ARRDC2: variants seen among roughly 807,000 people sequenced by gnomAD.
ARRDC2 encodes arrestin domain-containing protein 2.
A neutral mutation model predicts 38.9 loss-of-function variants in ARRDC2; 39 were observed. The ratio of observed to expected loss-of-function variants is 1.00; its 90% confidence interval spans 0.78 to 1.31. The LOEUF (loss-of-function observed/expected upper bound fraction) is 1.31, where lower values mean the gene tolerates loss of function less well. Ranked by LOEUF, ARRDC2 falls within the 50% of genes most tolerant of loss-of-function variation. ARRDC2 has a pLI of 0.00. For missense variants in ARRDC2, 553 were observed against 588.4 expected (o/e 0.94, Z 0.62); for synonymous variants, 300 against 261.9 (o/e 1.15, Z -1.41).
upstream of ARRDC2, among the ~76,000 whole-genome samples, chr19:18,005,198 GA>G (rs2033248122): frequency 6.6e-6 from 1 of 151,652 alleles, no homozygotes; most frequent in Non-Finnish European, 1.5e-5. Context: ...GACTCTTAAC[GA>G]GCATGCTGCC....
At chr19:18,008,129 C>CA (rs2033318935), upstream of ARRDC2, 1 of 1,074,286 alleles carries the variant, frequency 9.3e-7, no homozygotes, top group African/African-American at 1.8e-5. Context: ...CCACCCCCCC[C>CA]CGCCCTGCCG....
chr19:18,010,849 C>CT, intron 7 of ARRDC2, 120 bp downstream of exon 7: 3 of 1,127,348 alleles, frequency 2.7e-6, no homozygotes, highest in Non-Finnish European at 3.7e-6. Context: ...GGGTCTTGCT[C>CT]TGTCACCCAG....
At chr19:18,009,733 T>C (rs1330518486) in intron 4 of ARRDC2, 39 bp downstream of exon 4, 1 of 1,612,410 alleles carries the variant, frequency 6.2e-7, no homozygotes, top group South Asian at 1.1e-5. Context: ...CGGGGGCTGG[T>C]GTTGGGGTTG....
chr19:18,008,197 C>T lies in ARRDC2; in HGVS notation c.-114C>T. 7 of 1,469,234 alleles carry T rather than the reference C, an allele frequency of 4.8e-6. No homozygotes were observed. The highest frequency in any genetic ancestry group is 3.0e-5 in the African/African-American group (2 of 66,264). The allele number at this position is 1,469,234 out of a possible 1,614,324, so 91.0% of individuals were successfully genotyped here. The stretch of plus-strand genomic sequence containing the variant: ...TTTTCTGCTCCGGTTGGTGAGCGCG[C>T]CTGCGCGTTGACGGCGATTTTGCGT... On this transcript the variant is annotated 5_prime_UTR_variant, in exon 1 of 8. Transcript: ENST00000222250.
chr19:18,010,205 G>GATAT lies in ARRDC2; in HGVS notation c.860_863dup (p.Pro289TyrfsTer50). 1 of 1,613,374 alleles carries GATAT rather than the reference G, an allele frequency of 6.2e-7. No homozygotes were observed. The highest frequency in any genetic ancestry group is 8.5e-7 in the Non-Finnish European group (1 of 1,179,756). On this transcript the variant is annotated frameshift_variant, in exon 6 of 8. Coordinates refer to ENST00000222250, the MANE Select transcript of ARRDC2 (RefSeq NM_015683.2). LOFTEE classifies it high-confidence loss of function. ...TGGTTCCTTCCTCCAGGTCTGTGTG[G>GATAT]ATATCCCAGGAACGTCCAAGCTGCT...
Position 18,009,636 on chromosome 19 carries a change from C to T in ARRDC2, c.534C>T (p.Tyr178=). 6.2e-7 allele frequency: 1 copy of T among 1,611,022 alleles called. No homozygotes were observed. The highest frequency in any genetic ancestry group is 1.7e-5 in the Admixed American group (1 of 59,864). The change falls in exon 4 of 8, where the codon TAC becomes TAT. Residue 178 remains tyrosine (Y), a synonymous_variant. Coordinates refer to ENST00000222250, the MANE Select transcript of ARRDC2 (RefSeq NM_015683.2). ...GGGAAAAGGTTGCCCGATCCTGGTA[C>T]TGTAACCGTGGCCTAGTCTCCCTTT... is the stretch of plus-strand genomic sequence containing the variant. ...GAREKVARSW[Y]CNRGLVSLSA... is the part of the protein sequence containing the mutation.
chr19:18,009,502 C>T lies in ARRDC2; in HGVS notation c.490-90C>T, dbSNP rs369791848. Reference sequence around the variant, plus strand: ...AAGAAACCAAGCCCTGCCCAAAGTCCTCCCTCAGCTGGGGGTGGTTTGGAA... The same window carrying T: ...AAGAAACCAAGCCCTGCCCAAAGTCTTCCCTCAGCTGGGGGTGGTTTGGAA... On this transcript the variant is annotated intron_variant, in intron 3 of 7. Coordinates refer to ENST00000222250, the MANE Select transcript of ARRDC2 (RefSeq NM_015683.2). 172 of 1,205,504 alleles carry T rather than the reference C, an allele frequency of 1.4e-4. 1 individual carries two copies. The Admixed American group carries it at 2.2e-3, about 15-fold the overall frequency. The allele number at this position is 1,205,504 out of a possible 1,614,324, so 74.7% of individuals were successfully genotyped here.
chr19:18,009,603 G>C lies in ARRDC2; in HGVS notation c.501G>C (p.Ala167=), dbSNP rs549541387. 1 of 1,602,292 alleles carries C rather than the reference G, an allele frequency of 6.2e-7. No homozygotes were observed. Among genetic ancestry groups the C allele is most frequent in the African/African-American group, 1.3e-5 (1 of 74,618 alleles). The change falls in exon 4 of 8, where the codon GCG becomes GCC. Residue 167 remains alanine (A), a synonymous_variant. Coordinates refer to ENST00000222250, the MANE Select transcript of ARRDC2 (RefSeq NM_015683.2). ...CTCTACACCGACAGGCACCTCAAGC[G>C]GGGGCTCGGGAAAAGGTTGCCCGAT... ...INTPALLAPQ[A]GAREKVARSW...
chr19:18,001,390 C>G, exon 1 of ARRDC2: 2 of 1,213,364 alleles, frequency 1.6e-6, no homozygotes, highest in African/African-American at 1.6e-5. Flanking sequence ...CGGCGGGGAG[C>G]GGCTGTGCGG....
At chr19:18,008,905 T>G (rs2033343019) in intron 2 of ARRDC2, 66 bp from the exon 3 acceptor site, 4 of 1,603,540 alleles carry the variant, frequency 2.5e-6, no homozygotes, top group Non-Finnish European at 3.4e-6. Flanking sequence ...GGAGTGTCTG[T>G]GTCTCCTTCT....
chr19:18,008,446 G>A lies in ARRDC2; in HGVS notation c.136G>A (p.Ala46Thr), dbSNP rs1568466805. Residue 46 changes from alanine (A) to threonine (T), a missense_variant, in exon 1 of 8, where the codon GCC becomes ACC. This residue lies in a region of ARRDC2 where 447 missense variants were observed against 456.6 expected (regional missense o/e 0.98). Transcript: ENST00000222250. ...LELSSAARVGALRLRARGRAH... is the reference protein window; with the variant it reads ...LELSSAARVGTLRLRARGRAH... ...GCTGTCAAGCGCCGCGCGTGTGGGT[G>A]CCCTGAGGCTGCGCGCGCGGGGCCG... 1 of 1,568,412 alleles carries A rather than the reference G, an allele frequency of 6.4e-7. No individual in the cohort carries two copies.
At chr19:18,009,728 G>T in intron 4 of ARRDC2, 34 bp downstream of exon 4, 1 of 1,612,776 alleles carries the variant, frequency 6.2e-7, no homozygotes, top group South Asian at 1.1e-5. Flanking sequence ...TGGGACGGGG[G>T]CTGGTGTTGG....
At chr19:18,011,832 GTC>G (rs2033417246) in intron 7 of ARRDC2, among the ~76,000 whole-genome samples, 1 of 151,292 alleles carries the variant, frequency 6.6e-6, no homozygotes, top group South Asian at 2.1e-4. Flanking sequence ...ACATACTCCA[GTC>G]TGGGAGACAA....
At chr19:18,005,647 G>A (rs1216346962), upstream of ARRDC2, among the ~76,000 whole-genome samples, 210 of 150,958 alleles carry the variant, frequency 1.4e-3, 1 homozygote, top group African/African-American at 4.9e-3. Flanking sequence ...CCTCCCGGAC[G>A]GGGCGGCTGG....
At chr19:18,008,115 G>GTGGGGCCCCCC, upstream of ARRDC2, 1 of 810,032 alleles carries the variant, frequency 1.2e-6, no homozygotes, top group Non-Finnish European at 1.7e-6. Flanking sequence ...AAGAGACGGT[G>GTGGGGCCCCCC]ACCCCACCCC....
upstream of ARRDC2, chr19:18,007,376 G>A (rs563428697): frequency 6.6e-6 from 1 of 152,462 alleles, no homozygotes; most frequent in South Asian, 2.1e-4. Context: ...GGGAAGGTAG[G>A]GTTTGCCAGA....
upstream of ARRDC2, among the ~76,000 whole-genome samples, chr19:18,005,906 C>T (rs1411805735): frequency 2.9e-4 from 44 of 149,430 alleles, no homozygotes; most frequent in African/African-American, 9.7e-4. Context: ...CCTCACTTCT[C>T]AGACGGGGCG....
chr19:18,010,083 C>T (rs2033381637), intron 5 of ARRDC2, 44 bp downstream of exon 5: 2 of 1,605,014 alleles, frequency 1.2e-6, no homozygotes, highest in South Asian at 2.2e-5. Context: ...CTACATTCAC[C>T]CTGTATTCCC....
At chr19:18,005,631 G>C (rs77789222), upstream of ARRDC2, among the ~76,000 whole-genome samples, 45,366 of 145,766 alleles carry the variant, frequency 0.31, 8,294 homozygotes, top group African/African-American at 0.54. Flanking sequence ...CTGACCCCCC[G>C]ACCTCCCTCC....
Sources: gnomAD v4.1 joint callset for allele counts (sites outside exome capture counted in the v4.1 genomes callset) on GRCh38, gnomAD v4.1.1 for gene constraint, gnomAD v4.1.1 regional missense constraint, MANE v1.5 for transcripts, NCBI Gene and HGNC (gene_info 2026-07-23, HGNC 2026-07-21) for gene names.